Variants in ANO7 observed in about 807,000 individuals in gnomAD.
ANO7 encodes the protein anoctamin-7.
A neutral mutation model predicts 115.8 loss-of-function variants in ANO7; 114 were observed. The ratio of observed to expected loss-of-function variants is 0.98; its 90% CI spans 0.85 to 1.15. The LOEUF (loss-of-function observed/expected upper bound fraction) is 1.15. Ranked by LOEUF, ANO7 falls within the 50% of genes most tolerant of loss-of-function variation. ANO7 has a pLI of 0.00. For missense variants in ANO7, 1,302 were observed against 1,201.2 expected (o/e 1.08, Z -1.24); for synonymous variants, 550 against 498.2 (o/e 1.10, Z -1.38).
the ANO7 span, among the ~76,000 whole-genome samples, chr2:241,237,860 A>G: frequency 6.6e-6 from 1 of 152,344 alleles, no homozygotes; most frequent in Non-Finnish European, 1.5e-5. Context: ...AGAGTGCAGT[A>G]TGAGTTTATT....
rs1207111096 is a variant in ANO7 at position 241,224,813 on chromosome 2, A to G, written c.*660A>G. On this transcript the variant is annotated 3_prime_UTR_variant, in exon 25 of 25. Coordinates refer to ENST00000674324, the MANE Select transcript of ANO7 (RefSeq NM_001370694.2). ...CCTCTGACAGTGCCGCTTTACTTGC[A>G]TTCTGCAGCAATTACATGTGTCCTT... The G allele has an allele frequency of 2.4e-4, 37 of 152,202 alleles. No homozygotes were observed. The highest frequency in any genetic ancestry group is 2.4e-3 in the Admixed American group (36 of 15,278). 9.4% of individuals were successfully genotyped at this position (152,202 alleles called of 1,614,324 possible). A position where few individuals can be genotyped will look rare whatever the true frequency, so the allele number is the denominator to read the frequency against.
intron 17 of ANO7, among the ~76,000 whole-genome samples, chr2:241,214,321 C>T (rs2068775170): frequency 6.6e-6 from 1 of 152,208 alleles, no homozygotes; most frequent in South Asian, 2.1e-4. Flanking sequence ...CTGCTATTCC[C>T]AGCATTGCCT....
intron 17 of ANO7, chr2:241,212,887 C>T (rs1049611469): frequency 1.1e-5 from 5 of 467,036 alleles, no homozygotes; most frequent in African/African-American, 2.0e-5. Context: ...AATCTCAGCA[C>T]TTAGGGAGGC....
chr2:241,199,426 A>T lies in ANO7; in HGVS notation c.417+3A>T. Reference sequence around the variant, plus strand: ...TGCGCCTGAAGCTGCCCTTGCAGGTACGTGGGAGGCATGGGGACAGGGTGG... The same window carrying T: ...TGCGCCTGAAGCTGCCCTTGCAGGTTCGTGGGAGGCATGGGGACAGGGTGG... On this transcript the variant is annotated splice_donor_region_variant and intron_variant, in intron 5 of 24. Transcript: ENST00000674324. 1 of 1,613,582 alleles carries T rather than the reference A, an allele frequency of 6.2e-7. No homozygotes were observed. The highest frequency in any genetic ancestry group is 8.5e-7 in the Non-Finnish European group (1 of 1,179,938).
chr2:241,237,087 C>T, the ANO7 span, among the ~76,000 whole-genome samples: 9 of 151,736 alleles, frequency 5.9e-5, no homozygotes, highest in African/African-American at 2.2e-4. Context: ...ACAGCAGAGG[C>T]TTCAGTGAGA....
At chr2:241,212,475 G>T in intron 16 of ANO7, 97 bp from the exon 17 acceptor site, 3 of 1,327,920 alleles carry the variant, frequency 2.3e-6, no homozygotes, top group Non-Finnish European at 3.2e-6. Flanking sequence ...TTCCTCCAGG[G>T]CAGGTGCAGC....
At chr2:241,199,833 G>A (rs998765052) in intron 5 of ANO7, among the ~76,000 whole-genome samples, 2 of 152,162 alleles carry the variant, frequency 1.3e-5, no homozygotes, top group East Asian at 1.9e-4. Flanking sequence ...TGGGAGACAC[G>A]CTACTTACCA....
At chr2:241,189,252 C>T (rs2068130528) in intron 1 of ANO7, among the ~76,000 whole-genome samples, 1 of 152,182 alleles carries the variant, frequency 6.6e-6, no homozygotes, top group Non-Finnish European at 1.5e-5. Context: ...CAGGTGCAGG[C>T]GGCCCAGGCT....
In ANO7 at chr2:241,224,115, C is replaced by A. The variant is rs767406598; in HGVS notation, c.2602C>A (p.Pro868Thr). 6.2e-6 allele frequency: 10 copies of A among 1,614,106 alleles called. No homozygotes were observed. The South Asian group carries it at 1.1e-4, about 18-fold the overall frequency. ...TCCCCAGCTCAGCTCCCACTGGACA[C>A]CCTTCACGGTTCCCAAGGCCAGCCA... ...EGSELSSHWT[P>T]FTVPKASQLQ... Residue 868 changes from proline to threonine, a missense_variant, in exon 25 of 25, where the codon CCC becomes ACC. Transcript: ENST00000674324.
chr2:241,194,456 A>G (rs1302920621), intron 3 of ANO7, among the ~76,000 whole-genome samples: 1 of 151,866 alleles, frequency 6.6e-6, no homozygotes, highest in Non-Finnish European at 1.5e-5. Flanking sequence ...CTGGGACTAC[A>G]GGTGCCGGCC....
Position 241,209,312 on chromosome 2 carries a change from A to G in ANO7, c.1105A>G (p.Thr369Ala). 3.2e-6 allele frequency: 5 copies of G among 1,565,292 alleles called. No homozygotes were observed. The highest frequency in any genetic ancestry group is 4.3e-6 in the Non-Finnish European group (5 of 1,155,634). ...CGGCCGGCTGTTCGACCACGGCGGC[A>G]CCGTGTTCTTCAGCTTGTTCATGGC... Reference protein sequence around the residue: ...QAGRLFDHGGTVFFSLFMALW... With the variant: ...QAGRLFDHGGAVFFSLFMALW... Residue 369 changes from threonine (T) to alanine (A), a missense_variant, in exon 12 of 25, where the codon ACC (threonine) becomes GCC (alanine). Coordinates refer to ENST00000674324, the MANE Select transcript of ANO7 (RefSeq NM_001370694.2).
intron 15 of ANO7, among the ~76,000 whole-genome samples, chr2:241,210,928 T>A (rs2068707665): frequency 6.6e-6 from 1 of 152,086 alleles, no homozygotes; most frequent in Non-Finnish European, 1.5e-5. Context: ...CCTAGGCCTC[T>A]CAAAGTGCTG....
intron 15 of ANO7, among the ~76,000 whole-genome samples, chr2:241,210,833 A>AT (rs2068705050): frequency 7.9e-6 from 1 of 126,662 alleles, no homozygotes; most frequent in African/African-American, 3.2e-5. Context: ...GCCCAGCTGA[A>AT]ATTTTTTTTT....
At chr2:241,193,761 A>G (rs1423046450) in intron 3 of ANO7, among the ~76,000 whole-genome samples, 1 of 152,214 alleles carries the variant, frequency 6.6e-6, no homozygotes, top group Non-Finnish European at 1.5e-5. Flanking sequence ...TTTTGTGTCA[A>G]AGGGATTAAC....
chr2:241,227,246 A>T (rs931277785), downstream of ANO7: 5 of 152,516 alleles, frequency 3.3e-5, no homozygotes, highest in African/African-American at 1.2e-4. Context: ...CGAGAAAGAG[A>T]ACACACAGGC....
chr2:241,201,190 C>G lies in ANO7; in HGVS notation c.555-108C>G, dbSNP rs552493955. 9.0e-5 allele frequency: 121 copies of G among 1,342,882 alleles called. No individual in the cohort carries two copies. The African/African-American group carries it at 1.7e-3, about 19-fold the overall frequency. The allele number at this position is 1,342,882 out of a possible 1,614,324, so 83.2% of individuals were successfully genotyped here. Reference sequence around the variant, plus strand: ...CTGCGTGCGCGCCAGCACCCGGGCCCCAAACCTTCTGCACCGTTCACATGC... The same window carrying G: ...CTGCGTGCGCGCCAGCACCCGGGCCGCAAACCTTCTGCACCGTTCACATGC... On this transcript the variant is annotated intron_variant, in intron 6 of 24. Coordinates refer to ENST00000674324, the MANE Select transcript of ANO7 (RefSeq NM_001370694.2).
At chr2:241,239,140 C>G in the ANO7 span, among the ~76,000 whole-genome samples, 1 of 152,150 alleles carries the variant, frequency 6.6e-6, no homozygotes, top group Non-Finnish European at 1.5e-5. The surrounding 1 kb of genome is among the most constrained non-coding windows in gnomAD (Gnocchi z 4.6). Flanking sequence ...GGGGAGTGGC[C>G]TGGAGGGGAC....
At chr2:241,220,579 C>G (rs115726594) in intron 21 of ANO7, among the ~76,000 whole-genome samples, 2,330 of 152,326 alleles carry the variant, frequency 0.015, 68 homozygotes, top group African/African-American at 0.053. Flanking sequence ...TGCCTATGTT[C>G]CCAGCACTTT....
intron 17 of ANO7, among the ~76,000 whole-genome samples, chr2:241,214,354 C>T (rs2068775918): frequency 6.6e-6 from 1 of 152,208 alleles, no homozygotes; most frequent in South Asian, 2.1e-4. Context: ...AGATTATCCC[C>T]ATCTGGAGGG....
Sources: allele counts gnomAD v4.1 joint callset (sites outside exome capture counted in the v4.1 genomes callset), GRCh38; gene constraint gnomAD v4.1.1; non-coding constraint Gnocchi (gnomAD v3.1); transcripts MANE v1.5; gene names NCBI Gene and HGNC (gene_info 2026-07-23, HGNC 2026-07-21).